ADNP2: variants seen among roughly 807,000 people sequenced by gnomAD.
ADNP2 encodes the protein ADNP homeobox 2, also known as activity-dependent neuroprotector homeobox protein 2.
A neutral mutation model predicts 16.4 loss-of-function variants in ADNP2; 8 were observed. The ratio of observed to expected loss-of-function variants is 0.49; its 90% confidence interval spans 0.29 to 0.88. The LOEUF is 0.88. Ranked by LOEUF, ADNP2 falls within the 40% of genes least tolerant of loss-of-function variation. The pLI, the probability that ADNP2 is intolerant of heterozygous loss-of-function variation, is 0.09. For missense variants in ADNP2, 1,397 were observed against 1,395.1 expected (o/e 1.00, Z -0.02); for synonymous variants, 637 against 545.8 (o/e 1.17, Z -2.33).
chr18:80,138,619 G>A lies in ADNP2; in HGVS notation c.3206G>A (p.Ser1069Asn). 6.2e-7 allele frequency: 1 copy of A among 1,608,046 alleles called. No individual in the cohort carries two copies. Among genetic ancestry groups the A allele is most frequent in the Non-Finnish European group, 8.5e-7 (1 of 1,178,668 alleles). Residue 1069 changes from serine to asparagine, a missense_variant, in exon 4 of 4, where the codon AGT (serine) becomes AAT (asparagine). Around this residue, in one of 3 missense-constraint regions of ADNP2, gnomAD observed 611 missense variants for 648.7 expected, o/e 0.94. Coordinates refer to ENST00000262198, the MANE Select transcript of ADNP2 (RefSeq NM_014913.4). ...KDYFHKKPYPSKKEIELLSSL... is the reference protein window; with the variant it reads ...KDYFHKKPYPNKKEIELLSSL... ...TATTTCCATAAGAAACCATATCCTA[G>A]TAAAAAGGAAATAGAACTGTTGTCC...
At chr18:80,123,841 T>C (rs1333258546) in intron 2 of ADNP2, among the ~76,000 whole-genome samples, 1 of 152,108 alleles carries the variant, frequency 6.6e-6, no homozygotes, top group Non-Finnish European at 1.5e-5. Context: ...GCCATTCTCC[T>C]GCCTCAGCCT....
chr18:80,133,749 C>T (rs533077836), intron 3 of ADNP2: 1 of 153,180 alleles, frequency 6.5e-6, no homozygotes, highest in Admixed American at 6.5e-5. Context: ...CTTGGCTGTC[C>T]CCTCTCACCA....
intron 2 of ADNP2, among the ~76,000 whole-genome samples, chr18:80,132,576 T>TTTCC (rs1156341638): frequency 2.0e-5 from 3 of 151,838 alleles, no homozygotes; most frequent in African/African-American, 2.4e-5. Context: ...GTTCATTCTT[T>TTTCC]TTCCTTCCTT....
intron 2 of ADNP2, among the ~76,000 whole-genome samples, chr18:80,121,061 T>C (rs1027564913): frequency 2.0e-5 from 3 of 152,226 alleles, no homozygotes; most frequent in African/African-American, 4.8e-5. Flanking sequence ...TGCCAAACTT[T>C]TCACAGTGAA....
At chr18:80,127,400 A>C (rs1392989498) in intron 2 of ADNP2, among the ~76,000 whole-genome samples, 1 of 45,072 alleles carries the variant, frequency 2.2e-5, no homozygotes, top group African/African-American at 9.0e-5. Context: ...CTCTTGCTTT[A>C]TCTTCAGATT....
At chr18:80,135,271 A>G (rs1159687982) in intron 3 of ADNP2, among the ~76,000 whole-genome samples, 5 of 152,232 alleles carry the variant, frequency 3.3e-5, no homozygotes, top group Admixed American at 6.5e-5. Context: ...AAAAATGACA[A>G]TACTATTTTG....
At position 80,136,970 on chromosome 18, in the gene ADNP2, T is replaced by C. The variant is rs201645570; in HGVS notation, c.1557T>C (p.Leu519=). Residue 519 remains leucine (L), a synonymous_variant, in exon 4 of 4, where the codon CTT becomes CTC. Coordinates refer to ENST00000262198, the MANE Select transcript of ADNP2 (RefSeq NM_014913.4). ...CAGGCCAGGTGGTCCCGTCTGGGCT[T>C]CTTTCTCCCAACCAGACAGTCTCCT... is the stretch of plus-strand genomic sequence containing the variant. ...ISAGQVVPSG[L]LSPNQTVSSS... is the part of the protein sequence containing the mutation. 2 of 1,613,758 alleles carry C rather than the reference T, an allele frequency of 1.2e-6. No homozygotes were observed. Among genetic ancestry groups the C allele is most frequent in the Non-Finnish European group, 1.7e-6 (2 of 1,179,842 alleles).
chr18:80,111,281 T>A (rs2052355165), intron 1 of ADNP2, among the ~76,000 whole-genome samples: 1 of 152,204 alleles, frequency 6.6e-6, no homozygotes, highest in African/African-American at 2.4e-5. Flanking sequence ...AATAGCAAAC[T>A]CAGTGCTTAT....
At chr18:80,125,952 C>G (rs1357980239) in intron 2 of ADNP2, among the ~76,000 whole-genome samples, 1 of 152,142 alleles carries the variant, frequency 6.6e-6, no homozygotes, top group African/African-American at 2.4e-5. Context: ...AAAGCCTAAA[C>G]TGTTTATTAA....
chr18:80,137,817 G>T lies in ADNP2; in HGVS notation c.2404G>T (p.Asp802Tyr), dbSNP rs748617046. The T allele has an allele frequency of 6.2e-7, 1 of 1,614,150 alleles. No homozygotes were observed. Among genetic ancestry groups the T allele is most frequent in the South Asian group, 1.1e-5 (1 of 91,072 alleles). The change falls in exon 4 of 4, where the codon GAT (aspartate) becomes TAT (tyrosine). Residue 802 changes from aspartate (D) to tyrosine (Y), a missense_variant. Physicochemically the swap from Asp to Tyr is radical, Grantham distance 160. This residue lies in a region of ADNP2 where 611 missense variants were observed against 648.7 expected (regional missense o/e 0.94). Coordinates refer to ENST00000262198, the MANE Select transcript of ADNP2 (RefSeq NM_014913.4). The surrounding 1 kb of genome is among the most constrained non-coding windows in gnomAD (Gnocchi z 4.2). ...RHLGKKKLPMDYSNRGFQLDV... is the reference protein window; with the variant it reads ...RHLGKKKLPMYYSNRGFQLDV... The stretch of plus-strand genomic sequence containing the variant: ...CCTGGGGAAGAAGAAGTTGCCTATG[G>T]ATTATAGCAACAGAGGTTTTCAATT...
chr18:80,136,947 G>A lies in ADNP2; in HGVS notation c.1534G>A (p.Gly512Ser). ...AGCCCCATTGAGGGTTATCTCTGCA[G>A]GCCAGGTGGTCCCGTCTGGGCTTCT... is the stretch of plus-strand genomic sequence containing the variant. ...QTAPLRVISA[G>S]QVVPSGLLSP... Residue 512 changes from glycine to serine, a missense_variant, in exon 4 of 4, where the codon GGC becomes AGC. This residue lies in a region of ADNP2 where 777 missense variants were observed against 719.4 expected (regional missense o/e 1.08). Transcript: ENST00000262198. 6.2e-7 allele frequency: 1 copy of A among 1,613,868 alleles called. No homozygotes were observed. The highest frequency in any genetic ancestry group is 1.3e-5 in the African/African-American group (1 of 75,016).
At chr18:80,120,562 C>T (rs1438201199) in intron 2 of ADNP2, among the ~76,000 whole-genome samples, 1 of 151,860 alleles carries the variant, frequency 6.6e-6, no homozygotes, top group Non-Finnish European at 1.5e-5. Context: ...GTCTTGAACT[C>T]CTGGGCTCAA....
chr18:80,134,846 A>G (rs11662602), intron 3 of ADNP2, among the ~76,000 whole-genome samples: 38,793 of 152,074 alleles, frequency 0.26, 6,436 homozygotes, highest in Non-Finnish European at 0.38. Context: ...GTTTTATCAG[A>G]TAGTTTATTG....
chr18:80,118,423 C>G (rs962634405), intron 2 of ADNP2, among the ~76,000 whole-genome samples: 2 of 147,824 alleles, frequency 1.4e-5, no homozygotes, highest in African/African-American at 4.9e-5. Context: ...GTGAGTGAGA[C>G]TCTGTCTCAA....
Position 80,136,673 on chromosome 18 carries a change from T to A in ADNP2, c.1260T>A (p.Pro420=), listed in dbSNP as rs749390610. ...INRPVGPGVL[P]VSPSVTPGVL... is the part of the protein sequence containing the mutation. Reference sequence around the variant, plus strand: ...GACCTGTTGGGCCTGGTGTTCTTCCTGTGAGCCCCTCTGTCACCCCTGGGG... The same window carrying A: ...GACCTGTTGGGCCTGGTGTTCTTCCAGTGAGCCCCTCTGTCACCCCTGGGG... Residue 420 remains proline (P), a synonymous_variant, in exon 4 of 4, where the codon CCT becomes CCA. Coordinates refer to ENST00000262198, the MANE Select transcript of ADNP2 (RefSeq NM_014913.4). 6.2e-7 allele frequency: 1 copy of A among 1,613,462 alleles called. No individual in the cohort carries two copies. The highest frequency in any genetic ancestry group is 1.7e-5 in the Admixed American group (1 of 60,000).
At chr18:80,115,089 T>C (rs1200813054) in intron 1 of ADNP2, among the ~76,000 whole-genome samples, 1 of 152,224 alleles carries the variant, frequency 6.6e-6, no homozygotes, top group African/African-American at 2.4e-5. Flanking sequence ...GCTGCCACTT[T>C]TGGGAGGAGT....
In ADNP2 at chr18:80,140,145, A is replaced by G. The variant is rs1485295364; in HGVS notation, c.*1336A>G. 1.3e-5 allele frequency: 2 copies of G among 152,236 alleles called. No individual in the cohort carries two copies. 9.4% of individuals were successfully genotyped at this position (152,236 alleles called of 1,614,324 possible). A position where few individuals can be genotyped will look rare whatever the true frequency, so the allele number is the denominator to read the frequency against. On this transcript the variant is annotated 3_prime_UTR_variant, in exon 4 of 4. Transcript: ENST00000262198. ...GGATGTGACAGCCTCTGAGAAACAT[A>G]ATGTTACTATGTGGATTTTAAAAAA...
intron 2 of ADNP2, among the ~76,000 whole-genome samples, chr18:80,120,982 T>G (rs2052421163): frequency 6.6e-6 from 1 of 152,208 alleles, no homozygotes; most frequent in Non-Finnish European, 1.5e-5. Flanking sequence ...TTTCAGTTAT[T>G]TTGGGTGTAT....
intron 1 of ADNP2, chr18:80,109,912 C>T (rs1166271359): frequency 3.3e-5 from 5 of 152,536 alleles, no homozygotes; most frequent in Non-Finnish European, 7.3e-5. Flanking sequence ...GTGGCGACCC[C>T]TGTAAGGACT....
Sources: gnomAD v4.1 joint callset for allele counts (sites outside exome capture counted in the v4.1 genomes callset) on GRCh38, gnomAD v4.1.1 for gene constraint, gnomAD v4.1.1 regional missense constraint, Gnocchi (gnomAD v3.1) non-coding constraint, MANE v1.5 for transcripts, NCBI Gene and HGNC (gene_info 2026-07-23, HGNC 2026-07-21) for gene names.